PCBD1: variants seen among roughly 807,000 people sequenced by gnomAD.
PCBD1 encodes pterin-4 alpha-carbinolamine dehydratase 1.
PCBD1 carries 16 observed loss-of-function variants against 12.6 expected under a neutral mutation model. The ratio of observed to expected loss-of-function variants is 1.27; its 90% CI spans 0.86 to 1.93. The LOEUF is 1.93. PCBD1 is among the 30% of genes most tolerant of loss of function. The probability of loss-of-function intolerance (pLI) is 0.00; values close to 1 mark genes in which losing one functional copy is unlikely to be tolerated. For synonymous variants in PCBD1, 53 were observed against 50.2 expected (o/e 1.05, Z -0.23); for missense variants, 86 against 130.1 (o/e 0.66, Z 1.65).
chr10:70,884,567 C>T (rs12570183), intron 3 of PCBD1, among the ~76,000 whole-genome samples: 3,730 of 148,670 alleles, frequency 0.025, 75 homozygotes, highest in East Asian at 0.074. Context: ...CTGCAAGCTC[C>T]GCCTCCCGGG....
chr10:70,888,323 G>T, intron 1 of PCBD1: 1 of 457,558 alleles, frequency 2.2e-6, no homozygotes, highest in Non-Finnish European at 3.6e-6. Context: ...AACTGGGTGG[G>T]ATTCGAACCC....
At chr10:70,887,572 G>A (rs76237857) in intron 1 of PCBD1, among the ~76,000 whole-genome samples, 6,085 of 152,078 alleles carry the variant, frequency 0.04, 188 homozygotes, top group Non-Finnish European at 0.06. Context: ...AAAGGGGTGG[G>A]TGAGTCCAGG....
intron 1 of PCBD1, among the ~76,000 whole-genome samples, chr10:70,887,218 CA>C (rs202185028): frequency 2.7e-5 from 4 of 147,978 alleles, no homozygotes; most frequent in Admixed American, 6.7e-5. Context: ...ATCTGCATTA[CA>C]AAAAAAAAAC....
chr10:70,885,642 G>A (rs1846569859), intron 2 of PCBD1, among the ~76,000 whole-genome samples, 156 bp downstream of exon 2: 1 of 152,202 alleles, frequency 6.6e-6, no homozygotes, highest in Non-Finnish European at 1.5e-5. Flanking sequence ...GAGTTAGACA[G>A]GAAAATTAAT....
Position 70,885,215 on chromosome 10 carries a change from T to C in PCBD1, c.153A>G (p.Thr51=), listed in dbSNP as rs915204132. 14 of 1,614,072 alleles carry C rather than the reference T, an allele frequency of 8.7e-6. No individual in the cohort carries two copies. The highest frequency in any genetic ancestry group is 1.3e-5 in the African/African-American group (1 of 75,042). ...KDFNRAFGFM[T]RVALQAEKLD... ...GTTTCTCAGCCTGCAGGGCCACTCTTGTCATGAACCCAAAGGCCTATTTAA... is the reference window on the plus strand; with the variant it reads ...GTTTCTCAGCCTGCAGGGCCACTCTCGTCATGAACCCAAAGGCCTATTTAA... Residue 51 remains threonine, a synonymous_variant, in exon 3 of 4, where the codon ACA becomes ACG. Coordinates refer to ENST00000299299, the MANE Select transcript of PCBD1 (RefSeq NM_000281.4).
At chr10:70,883,221 C>T (rs16928052), downstream of PCBD1, among the ~76,000 whole-genome samples, 8,978 of 152,310 alleles carry the variant, frequency 0.059, 383 homozygotes, top group African/African-American at 0.12. Context: ...CACTTGCGTT[C>T]CCTTTAGCTC....
chr10:70,882,897 A>T (rs1846521058), downstream of PCBD1, among the ~76,000 whole-genome samples: 1 of 152,240 alleles, frequency 6.6e-6, no homozygotes, highest in Non-Finnish European at 1.5e-5. Flanking sequence ...CATTATACTG[A>T]CAAGTTGAGC....
intron 1 of PCBD1, 126 bp downstream of exon 1, chr10:70,888,405 C>G: frequency 1.8e-6 from 2 of 1,131,382 alleles, no homozygotes; most frequent in South Asian, 1.8e-5. Context: ...AGAGACCCCA[C>G]TTTCGGACCC....
chr10:70,886,577 A>G (rs539772278), intron 1 of PCBD1, among the ~76,000 whole-genome samples: 51 of 152,340 alleles, frequency 3.3e-4, no homozygotes, highest in African/African-American at 1.2e-3. Flanking sequence ...ATAAGTGTCC[A>G]TCCCATTCTT....
Position 70,883,559 on chromosome 10 carries a change from A to G in PCBD1, c.*391T>C. ...GAGACATAAAAACACATGTGTTTCT[A>G]TTACATAGTGTGGGGTTTAGGGTCC... On this transcript the variant is annotated 3_prime_UTR_variant, in exon 4 of 4. Transcript: ENST00000299299. 2 of 1,138,204 alleles carry G rather than the reference A, an allele frequency of 1.8e-6. No homozygotes were observed. Among genetic ancestry groups the G allele is most frequent in the Non-Finnish European group, 2.2e-6 (2 of 916,898 alleles). 70.5% of individuals were successfully genotyped at this position (1,138,204 alleles called of 1,614,324 possible). A position where few individuals can be genotyped will look rare whatever the true frequency, so the allele number is the denominator to read the frequency against.
At chr10:70,886,036 G>A (rs761160815) in intron 1 of PCBD1, 107 bp from the exon 2 acceptor site, 19 of 1,427,448 alleles carry the variant, frequency 1.3e-5, no homozygotes, top group East Asian at 2.4e-5. Flanking sequence ...TGCTTTGGAC[G>A]TGGGTGACCA....
chr10:70,887,582 G>A (rs965562023), intron 1 of PCBD1, among the ~76,000 whole-genome samples: 2 of 152,056 alleles, frequency 1.3e-5, no homozygotes, highest in South Asian at 2.1e-4. Flanking sequence ...GTGAGTCCAG[G>A]TGAGCTCTTA....
rs768798811 is a variant in PCBD1, at chr10:70,888,556, C to A, written c.-23G>T. The stretch of plus-strand genomic sequence containing the variant: ...CATGGCGCGGGCGGCAGCAGGTGGC[C>A]AGCGGAGAGGGCAGGCGGCGGCCGG... On this transcript the variant is annotated 5_prime_UTR_variant, in exon 1 of 4. Coordinates refer to ENST00000299299, the MANE Select transcript of PCBD1 (RefSeq NM_000281.4). The A allele has an allele frequency of 2.4e-6, 3 of 1,233,802 alleles. No individual in the cohort carries two copies. Among genetic ancestry groups the A allele is most frequent in the South Asian group, 7.0e-5 (2 of 28,750 alleles). The allele number at this position is 1,233,802 out of a possible 1,614,324, so 76.4% of individuals were successfully genotyped here. A position where few individuals can be genotyped will look rare whatever the true frequency, so the allele number is the denominator to read the frequency against.
Position 70,885,220 on chromosome 10 carries a change from T to G in PCBD1, c.148A>C (p.Met50Leu), listed in dbSNP as rs141167122. ...TCAGCCTGCAGGGCCACTCTTGTCA[T>G]GAACCCAAAGGCCTATTTAAGTGGA... Reference protein sequence around the residue: ...FKDFNRAFGFMTRVALQAEKL... With the variant: ...FKDFNRAFGFLTRVALQAEKL... The change falls in exon 3 of 4, where the codon ATG becomes CTG. Residue 50 changes from methionine to leucine, a missense_variant. Transcript: ENST00000299299. 4 of 1,613,944 alleles carry G rather than the reference T, an allele frequency of 2.5e-6. No homozygotes were observed. The African/African-American group carries it at 5.3e-5, about 22-fold the overall frequency.
chr10:70,887,638 G>T (rs1589486113), intron 1 of PCBD1, among the ~76,000 whole-genome samples: 1 of 152,150 alleles, frequency 6.6e-6, no homozygotes, highest in Admixed American at 6.5e-5. Context: ...CCCCCAGGTC[G>T]CACAGCCTGC....
At chr10:70,886,982 G>A (rs1846594033) in intron 1 of PCBD1, among the ~76,000 whole-genome samples, 1 of 152,168 alleles carries the variant, frequency 6.6e-6, no homozygotes, top group Non-Finnish European at 1.5e-5. Context: ...GAATTGAAAA[G>A]ATACCCTTAG....
In PCBD1 at chr10:70,885,948, CAG is replaced by C. The variant is rs762367888; in HGVS notation, c.4-21_4-20del. On this transcript the variant is annotated intron_variant, in intron 1 of 3. Transcript: ENST00000299299. Reference sequence around the variant, plus strand: ...TGCCAGCCTAGAAGAGGGAAAAAAACAGAGGCCCAAGGGCATTTCTCTTTATA... The same window carrying C: ...TGCCAGCCTAGAAGAGGGAAAAAAACAGGCCCAAGGGCATTTCTCTTTATA... The C allele has an allele frequency of 2.0e-5, 33 of 1,612,748 alleles. No homozygotes were observed. Among genetic ancestry groups the C allele is most frequent in the Non-Finnish European group, 2.4e-5 (28 of 1,179,688 alleles).
chr10:70,885,986 G>C (rs914472766), intron 1 of PCBD1, 57 bp from the exon 2 acceptor site: 1 of 1,599,846 alleles, frequency 6.3e-7, no homozygotes, highest in Admixed American at 1.7e-5. Flanking sequence ...GGTCAAAACA[G>C]AGGGGCTCCA....
chr10:70,885,690 G>T, intron 2 of PCBD1, 108 bp downstream of exon 2: 2 of 1,347,696 alleles, frequency 1.5e-6, no homozygotes, highest in Non-Finnish European at 1.0e-6. Flanking sequence ...CTGGATGAGT[G>T]TGGTGTCTGA....
Sources: gnomAD v4.1 joint callset for allele counts (sites outside exome capture counted in the v4.1 genomes callset) on GRCh38, gnomAD v4.1.1 for gene constraint, MANE v1.5 for transcripts, NCBI Gene and HGNC (gene_info 2026-07-23, HGNC 2026-07-21) for gene names.